The following BCL7C variants were observed in gnomAD, a reference collection of about 807,000 sequenced individuals.
The protein encoded by BCL7C is B-cell CLL/lymphoma 7 protein family member C.
BCL7C carries 8 observed loss-of-function variants against 26.2 expected under a neutral mutation model. The observed-to-expected ratio is 0.30, with a 90% CI of 0.18 to 0.55. The LOEUF (loss-of-function observed/expected upper bound fraction) is 0.55, where lower values mean the gene tolerates loss of function less well. Among genes scored for constraint, BCL7C ranks in the 20% least tolerant of loss-of-function variants. BCL7C has a pLI of 0.93. For synonymous variants in BCL7C, 90 were observed against 116.5 expected (o/e 0.77, Z 1.47); for missense variants, 262 against 298.5 (o/e 0.88, Z 0.90).
At chr16:30,880,188 G>A (rs1323228161) in intron 5 of BCL7C, among the ~76,000 whole-genome samples, 1 of 151,162 alleles carries the variant, frequency 6.6e-6, no homozygotes, top group Non-Finnish European at 1.5e-5. Flanking sequence ...AAAGTTGTTT[G>A]AACAACAACA....
intron 5 of BCL7C, among the ~76,000 whole-genome samples, chr16:30,856,077 A>G (rs1487958820): frequency 6.6e-6 from 1 of 151,426 alleles, no homozygotes; most frequent in Non-Finnish European, 1.5e-5. Flanking sequence ...AAAAAAAAAA[A>G]AAAGAAGAAA....
chr16:30,846,066 C>T (rs1486002403), intron 5 of BCL7C, among the ~76,000 whole-genome samples: 4 of 145,122 alleles, frequency 2.8e-5, no homozygotes, highest in Admixed American at 1.4e-4. Flanking sequence ...GCTGAGATCA[C>T]GCCACTGCAC....
At chr16:30,860,792 A>G (rs978918878) in intron 5 of BCL7C, among the ~76,000 whole-genome samples, 4 of 152,038 alleles carry the variant, frequency 2.6e-5, no homozygotes, top group Admixed American at 2.6e-4. Flanking sequence ...TCTCCACCCC[A>G]AGCTCTGAGT....
In BCL7C at chr16:30,834,936, T is replaced by A. The variant is rs1387678309; in HGVS notation, c.*12A>T. On this transcript the variant is annotated 3_prime_UTR_variant, in exon 6 of 6. Transcript: ENST00000380317. The surrounding 1 kb of genome is among the most constrained non-coding windows in gnomAD (Gnocchi z 4.3). ...GAGGCTTTAGGGGTCTTGGCTTGCT[T>A]GGGGAGCCCACTCACCTCCCCTTAC... The A allele has an allele frequency of 2.6e-6, 4 of 1,514,058 alleles. No individual in the cohort carries two copies. The highest frequency in any genetic ancestry group is 3.5e-6 in the Non-Finnish European group (4 of 1,127,078). The allele number at this position is 1,514,058 out of a possible 1,614,324, so 93.8% of individuals were successfully genotyped here. A position where few individuals can be genotyped will look rare whatever the true frequency, so the allele number is the denominator to read the frequency against.
At chr16:30,861,596 C>T (rs569723986) in intron 5 of BCL7C, among the ~76,000 whole-genome samples, 1 of 152,344 alleles carries the variant, frequency 6.6e-6, no homozygotes, top group South Asian at 2.1e-4. Context: ...CTCTGACTGA[C>T]TCCTTCCCAG....
At chr16:30,892,542 A>G (rs1238309264) in intron 4 of BCL7C, 44 bp downstream of exon 4, 1 of 1,519,304 alleles carries the variant, frequency 6.6e-7, no homozygotes, top group African/African-American at 1.4e-5. Flanking sequence ...TCTGGAGAAG[A>G]CAGGACTTAG....
intron 5 of BCL7C, among the ~76,000 whole-genome samples, chr16:30,873,998 C>CTT (rs761712229): frequency 6.4e-5 from 7 of 108,672 alleles, no homozygotes; most frequent in Admixed American, 9.2e-5. Flanking sequence ...GGTGTCAAAC[C>CTT]TTTTTTTTTT....
At chr16:30,870,835 G>A (rs1202862510) in intron 5 of BCL7C, among the ~76,000 whole-genome samples, 1 of 152,174 alleles carries the variant, frequency 6.6e-6, no homozygotes, top group African/African-American at 2.4e-5. Flanking sequence ...AGTGGCCAGA[G>A]CAGTAGACTC....
At chr16:30,870,680 A>C (rs985762065) in intron 5 of BCL7C, among the ~76,000 whole-genome samples, 8 of 152,120 alleles carry the variant, frequency 5.3e-5, no homozygotes, top group African/African-American at 1.9e-4. Flanking sequence ...AAATAAAATA[A>C]AATTAAATAA....
downstream of BCL7C, among the ~76,000 whole-genome samples, chr16:30,883,319 C>T (rs527469355): frequency 1.3e-5 from 2 of 152,086 alleles, no homozygotes; most frequent in South Asian, 4.2e-4. Context: ...AGGGCTGTGG[C>T]TCTGGAAGAG....
At chr16:30,851,569 T>C in intron 5 of BCL7C, 1 of 342,184 alleles carries the variant, frequency 2.9e-6, no homozygotes, top group Admixed American at 3.8e-5. Flanking sequence ...TTATGCGATG[T>C]GTGGTTGTTG....
chr16:30,890,957 T>C (rs2055217753), intron 4 of BCL7C, among the ~76,000 whole-genome samples: 4 of 149,954 alleles, frequency 2.7e-5, no homozygotes, highest in Admixed American at 2.7e-4. Flanking sequence ...TGCACTCTAG[T>C]CTGGGCAACA....
intron 5 of BCL7C, among the ~76,000 whole-genome samples, chr16:30,861,484 C>T (rs1168742624): frequency 6.6e-6 from 1 of 152,196 alleles, no homozygotes; most frequent in East Asian, 1.9e-4. Flanking sequence ...CCCGGGATTC[C>T]TCCTAAGCCG....
At chr16:30,842,159 T>C (rs1233378460) in intron 5 of BCL7C, among the ~76,000 whole-genome samples, 5 of 151,948 alleles carry the variant, frequency 3.3e-5, no homozygotes, top group Non-Finnish European at 7.4e-5. Context: ...TCAATACGAC[T>C]GGTACACTTA....
At chr16:30,858,013 C>G (rs1416457660) in intron 5 of BCL7C, among the ~76,000 whole-genome samples, 1 of 151,554 alleles carries the variant, frequency 6.6e-6, no homozygotes, top group African/African-American at 2.4e-5. Flanking sequence ...AAAAGCCATG[C>G]CTTGGATTGT....
chr16:30,871,628 G>A (rs1264248852), intron 5 of BCL7C, among the ~76,000 whole-genome samples: 1 of 152,046 alleles, frequency 6.6e-6, no homozygotes, highest in Non-Finnish European at 1.5e-5. Flanking sequence ...GGGACTACAG[G>A]CAGGCACCAC....
chr16:30,839,885 G>T (rs1015676849), intron 5 of BCL7C, among the ~76,000 whole-genome samples: 2 of 152,176 alleles, frequency 1.3e-5, no homozygotes, highest in African/African-American at 4.8e-5. Flanking sequence ...GCAGCAATAG[G>T]AAACAAATAT....
intron 5 of BCL7C, among the ~76,000 whole-genome samples, chr16:30,846,137 A>G (rs562490496): frequency 1.3e-5 from 2 of 150,196 alleles, no homozygotes; most frequent in South Asian, 4.2e-4. Flanking sequence ...AAGATCCTTC[A>G]GCCTCAGCCT....
At chr16:30,883,736 C>T (rs1452041066), downstream of BCL7C, among the ~76,000 whole-genome samples, 2 of 144,854 alleles carry the variant, frequency 1.4e-5, no homozygotes, top group Non-Finnish European at 3.0e-5. Flanking sequence ...AGGCTGGTCT[C>T]GAACTCCTGA....
Sources: allele counts gnomAD v4.1 joint callset (sites outside exome capture counted in the v4.1 genomes callset), GRCh38; gene constraint gnomAD v4.1.1; non-coding constraint Gnocchi (gnomAD v3.1); transcripts MANE v1.5; gene names NCBI Gene and HGNC (gene_info 2026-07-23, HGNC 2026-07-21).